Variants in WDR31 observed in about 807,000 individuals in gnomAD.
WDR31 encodes WD repeat domain 31, also known as WD repeat-containing protein 31.
In WDR31, 30 loss-of-function variants were observed where a neutral mutation model predicts 47.3. The ratio of observed to expected loss-of-function variants is 0.63; its 90% confidence interval spans 0.47 to 0.86. WDR31 has a LOEUF of 0.86. Among genes scored for constraint, WDR31 ranks in the 40% least tolerant of loss-of-function variants. The pLI, the probability that WDR31 is intolerant of heterozygous loss-of-function variation, is 0.00. For synonymous variants in WDR31, 137 were observed against 159.4 expected (o/e 0.86, Z 1.06); for missense variants, 406 against 442.9 (o/e 0.92, Z 0.75).
intron 8 of WDR31, 106 bp downstream of exon 8, chr9:113,321,404 TG>T: frequency 8.7e-7 from 1 of 1,150,086 alleles, no homozygotes; most frequent in Non-Finnish European, 1.3e-6. Context: ...CAGAAGGCTC[TG>T]GGAAGGGCAG....
chr9:113,338,775 C>T (rs956582256), intron 1 of WDR31, among the ~76,000 whole-genome samples: 3 of 152,184 alleles, frequency 2.0e-5, no homozygotes, highest in East Asian at 1.9e-4. Context: ...CCTGCCACCA[C>T]GCCCAGCTAA....
rs1337764776 is a variant in WDR31 at position 113,336,445 on chromosome 9, A to G, written c.-181-5T>C. 1.3e-5 allele frequency: 2 copies of G among 152,194 alleles called. No individual in the cohort carries two copies. The highest frequency in any genetic ancestry group is 1.5e-5 in the Non-Finnish European group (1 of 68,034). The allele number at this position is 152,194 out of a possible 1,614,324, so 9.4% of individuals were successfully genotyped here. On this transcript the variant is annotated splice_region_variant and splice_polypyrimidine_tract_variant and intron_variant, in intron 1 of 10. Transcript: ENST00000374193. The stretch of plus-strand genomic sequence containing the variant: ...CTCTGTCTAAGCATGTTTGCACTGA[A>G]AAGAGATTTACAAGGTAAATAAAGA...
chr9:113,323,122 T>C lies in WDR31; in HGVS notation c.358A>G (p.Ser120Gly). 6.2e-7 allele frequency: 1 copy of C among 1,614,056 alleles called. No individual in the cohort carries two copies. Among genetic ancestry groups the C allele is most frequent in the Non-Finnish European group, 8.5e-7 (1 of 1,180,006 alleles). The change falls in exon 6 of 11, where the codon AGT (serine) becomes GGT (glycine). Residue 120 changes from serine (S) to glycine (G), a missense_variant. Coordinates refer to ENST00000374193, the MANE Select transcript of WDR31 (RefSeq NM_001012361.4). Reference sequence around the variant, plus strand: ...ATGACCATCCTGTCACGAGAGGCACTGAAGAACTGGCTGGATTTGGGAATA... The same window carrying C: ...ATGACCATCCTGTCACGAGAGGCACCGAAGAACTGGCTGGATTTGGGAATA... ...ACIPKSSQFF[S>G]ASRDRMVMMW...
chr9:113,315,825 C>G lies in WDR31; in HGVS notation c.*924G>C, dbSNP rs1833185579. 6.6e-6 allele frequency: 1 copy of G among 152,194 alleles called. No homozygotes were observed. The highest frequency in any genetic ancestry group is 1.5e-5 in the Non-Finnish European group (1 of 68,070). 9.4% of individuals were successfully genotyped at this position (152,194 alleles called of 1,614,324 possible). A position where few individuals can be genotyped will look rare whatever the true frequency, so the allele number is the denominator to read the frequency against. ...GGGACTACAGGCACGCACGTACAGG[C>G]TGGTCTTGAACTCCTGACCTAAAGT... is the stretch of plus-strand genomic sequence containing the variant. On this transcript the variant is annotated 3_prime_UTR_variant, in exon 11 of 11. Coordinates refer to ENST00000374193, the MANE Select transcript of WDR31 (RefSeq NM_001012361.4).
chr9:113,327,503 C>A (rs887564427), intron 5 of WDR31, among the ~76,000 whole-genome samples: 1 of 152,150 alleles, frequency 6.6e-6, no homozygotes, highest in African/African-American at 2.4e-5. Flanking sequence ...CTCTCACTTT[C>A]TTTCCTTTTA....
At chr9:113,321,384 G>T in intron 8 of WDR31, 127 bp downstream of exon 8, 1 of 896,064 alleles carries the variant, frequency 1.1e-6, no homozygotes, top group Non-Finnish European at 1.7e-6. Context: ...ACCAGTGAAG[G>T]GCAGAGGAAC....
chr9:113,317,565 G>C (rs1588037845), intron 10 of WDR31, among the ~76,000 whole-genome samples: 1 of 152,360 alleles, frequency 6.6e-6, no homozygotes, highest in South Asian at 2.1e-4. Flanking sequence ...AGTACAGCAG[G>C]CTGTCCTTAC....
chr9:113,340,143 G>C (rs956432539), intron 1 of WDR31, 74 bp downstream of exon 1: 1 of 152,286 alleles, frequency 6.6e-6, no homozygotes, highest in Non-Finnish European at 1.5e-5. Context: ...TCTCCGCTTC[G>C]ACCAAAGGGC....
At position 113,322,894 on chromosome 9, in the gene WDR31, T is replaced by C; in HGVS notation, c.487A>G (p.Thr163Ala). The C allele has an allele frequency of 1.9e-6, 3 of 1,614,134 alleles. No individual in the cohort carries two copies. The highest frequency in any genetic ancestry group is 2.5e-6 in the Non-Finnish European group (3 of 1,180,014). Residue 163 changes from threonine to alanine, a missense_variant, in exon 7 of 11, where the codon ACT (threonine) becomes GCT (alanine). Coordinates refer to ENST00000374193, the MANE Select transcript of WDR31 (RefSeq NM_001012361.4). ...AVSPDSSQLC[T>A]GSRDNTLLLW... Reference sequence around the variant, plus strand: ...AGCAGGGTGTTGTCCCGAGAGCCAGTGCACAGCTGTGATGAGTCTTTGGAA... The same window carrying C: ...AGCAGGGTGTTGTCCCGAGAGCCAGCGCACAGCTGTGATGAGTCTTTGGAA...
Position 113,340,242 on chromosome 9 carries a change from G to A in WDR31, c.-207C>T, listed in dbSNP as rs1833804237. The A allele has an allele frequency of 6.6e-6, 1 of 152,264 alleles. No homozygotes were observed. The highest frequency in any genetic ancestry group is 2.1e-4 in the South Asian group (1 of 4,832). The allele number at this position is 152,264 out of a possible 1,614,324, so 9.4% of individuals were successfully genotyped here. On this transcript the variant is annotated 5_prime_UTR_variant, in exon 1 of 11. Coordinates refer to ENST00000374193, the MANE Select transcript of WDR31 (RefSeq NM_001012361.4). ...CGGTGGGCTGCGGGGCTGGAGCTGGGGCCGGCGGGAACGCGGAGCCTGGGG... is the reference window on the plus strand; with the variant it reads ...CGGTGGGCTGCGGGGCTGGAGCTGGAGCCGGCGGGAACGCGGAGCCTGGGG...
At chr9:113,320,212 T>C in intron 9 of WDR31, 145 bp downstream of exon 9, 1 of 1,071,426 alleles carries the variant, frequency 9.3e-7, no homozygotes, top group East Asian at 2.6e-5. Context: ...GCAACTGGAA[T>C]GCAAAGGATC....
intron 2 of WDR31, among the ~76,000 whole-genome samples, chr9:113,335,893 C>T (rs941379969): frequency 6.6e-6 from 1 of 152,174 alleles, no homozygotes; most frequent in African/African-American, 2.4e-5. Context: ...CATCTTTGTA[C>T]CCCAAGTGGC....
At chr9:113,337,487 A>G (rs1463713662) in intron 1 of WDR31, among the ~76,000 whole-genome samples, 1 of 138,560 alleles carries the variant, frequency 7.2e-6, no homozygotes, top group South Asian at 2.3e-4. Flanking sequence ...TTTTTTTTAG[A>G]CAGAATCTTA....
intron 4 of WDR31, among the ~76,000 whole-genome samples, chr9:113,330,058 ATGGAAT>A: frequency 6.6e-6 from 1 of 152,180 alleles, no homozygotes; most frequent in Non-Finnish European, 1.5e-5. Flanking sequence ...CAGTATGCAA[ATGGAAT>A]TTGAAGATTC....
At position 113,313,653 on chromosome 9, in the gene WDR31, C is replaced by T. The variant is rs1170255600; in HGVS notation, c.*3096G>A. ...GTGTGTGACTTTGGGCAAAGTACTG[C>T]ATGTTTCTAGCCCTCAGCTTCCTCA... On this transcript the variant is annotated 3_prime_UTR_variant, in exon 11 of 11. Transcript: ENST00000374193. 1 of 152,214 alleles carries T rather than the reference C, an allele frequency of 6.6e-6. No individual in the cohort carries two copies. The highest frequency in any genetic ancestry group is 2.4e-5 in the African/African-American group (1 of 41,448). 9.4% of individuals were successfully genotyped at this position (152,214 alleles called of 1,614,324 possible).
At chr9:113,325,414 C>G (rs1004795835) in intron 5 of WDR31, among the ~76,000 whole-genome samples, 2 of 151,996 alleles carry the variant, frequency 1.3e-5, no homozygotes, top group Non-Finnish European at 2.9e-5. Context: ...TTGAAAAACA[C>G]TTTGTCATAT....
intron 3 of WDR31, 36 bp downstream of exon 3, chr9:113,331,871 G>A (rs1275322000): frequency 6.3e-7 from 1 of 1,595,128 alleles, no homozygotes; most frequent in African/African-American, 1.3e-5. Context: ...AATGGGGCAT[G>A]ATAAAACCTG....
chr9:113,319,887 C>T (rs1008714181), intron 9 of WDR31, among the ~76,000 whole-genome samples: 12 of 152,196 alleles, frequency 7.9e-5, no homozygotes, highest in African/African-American at 2.9e-4. Flanking sequence ...CATCTTGACT[C>T]TCATCCCATT....
intron 5 of WDR31, among the ~76,000 whole-genome samples, chr9:113,328,584 C>T (rs565015852): frequency 2.0e-5 from 3 of 152,190 alleles, no homozygotes; most frequent in African/African-American, 7.2e-5. Flanking sequence ...TAAGCCCAAG[C>T]CTTCAGTACA....
Sources: allele counts gnomAD v4.1 joint callset (sites outside exome capture counted in the v4.1 genomes callset), GRCh38; gene constraint gnomAD v4.1.1; transcripts MANE v1.5; gene names NCBI Gene and HGNC (gene_info 2026-07-23, HGNC 2026-07-21).